Variants in FBXW7 observed in about 807,000 individuals in gnomAD.
FBXW7 encodes F-box and WD repeat domain containing 7, also known as F-box/WD repeat-containing protein 7.
In FBXW7, 11 loss-of-function variants were observed where a neutral mutation model predicts 86.3. The ratio of observed to expected loss-of-function variants is 0.13; its 90% CI spans 0.08 to 0.21. The LOEUF (loss-of-function observed/expected upper bound fraction) is 0.21, where lower values mean the gene tolerates loss of function less well. Among genes scored for constraint, FBXW7 ranks in the 10% least tolerant of loss-of-function variants. The pLI is 1.00. For missense variants in FBXW7, 488 were observed against 847.4 expected (o/e 0.58, Z 5.27); for synonymous variants, 313 against 297.9 (o/e 1.05, Z -0.52).
intron 2 of FBXW7, among the ~76,000 whole-genome samples, chr4:152,448,821 G>A (rs956737151): frequency 6.6e-6 from 1 of 152,172 alleles, no homozygotes. Flanking sequence ...TAGAAAGAAG[G>A]TAAGGTGCTT....
At chr4:152,532,566 A>G (rs1473569399) in intron 2 of FBXW7, among the ~76,000 whole-genome samples, 2 of 152,196 alleles carry the variant, frequency 1.3e-5, no homozygotes, top group Non-Finnish European at 2.9e-5. Context: ...TTCAATTCCA[A>G]AAGTCTTAAA....
At chr4:152,479,434 G>C (rs1450911519) in intron 2 of FBXW7, among the ~76,000 whole-genome samples, 1 of 152,090 alleles carries the variant, frequency 6.6e-6, no homozygotes, top group African/African-American at 2.4e-5. Flanking sequence ...ACATTTGCCT[G>C]TTAAATCTCT....
At chr4:152,515,331 T>A (rs1271608537) in intron 2 of FBXW7, among the ~76,000 whole-genome samples, 1 of 152,116 alleles carries the variant, frequency 6.6e-6, no homozygotes, top group Non-Finnish European at 1.5e-5. Flanking sequence ...GAAGCGAGGG[T>A]GCAGGGAAGG....
intron 2 of FBXW7, among the ~76,000 whole-genome samples, chr4:152,453,965 A>C (rs1038358400): frequency 2.0e-5 from 3 of 152,152 alleles, no homozygotes; most frequent in African/African-American, 7.2e-5. Flanking sequence ...GGTATTTTAA[A>C]GTAAATTCCA....
intron 2 of FBXW7, among the ~76,000 whole-genome samples, chr4:152,492,426 T>A (rs1209173946): frequency 6.6e-6 from 1 of 152,124 alleles, no homozygotes; most frequent in East Asian, 1.9e-4. Context: ...GATCCAAAGG[T>A]GTATGCTTAA....
chr4:152,429,125 G>A (rs1739646917), intron 2 of FBXW7, among the ~76,000 whole-genome samples: 1 of 152,170 alleles, frequency 6.6e-6, no homozygotes, highest in African/African-American at 2.4e-5. Context: ...GGGAGGCGGA[G>A]GTTGTGTTGA....
At chr4:152,435,065 TGGGGAGGGGAGGGGAGGGGA>T (rs1208603429) in intron 2 of FBXW7, among the ~76,000 whole-genome samples, 7 of 11,970 alleles carry the variant, frequency 5.8e-4, no homozygotes, top group Non-Finnish European at 1.0e-3. Context: ...ACGAGAGGCC[TGGGGAGGGGAGGGGAGGGGA>T]GGGGAGGGGA....
chr4:152,325,712 A>C (rs774709690), intron 12 of FBXW7: 5 of 305,200 alleles, frequency 1.6e-5, no homozygotes, highest in African/African-American at 8.5e-5. Context: ...TTACTCTCCT[A>C]TGAGACTATT....
intron 6 of FBXW7, 56 bp from the exon 7 acceptor site, chr4:152,337,992 C>T (rs1730329967): frequency 5.9e-6 from 9 of 1,523,198 alleles, no homozygotes; most frequent in Non-Finnish European, 6.2e-6. Flanking sequence ...AAATTACAGG[C>T]TTATAAAGGA....
intron 2 of FBXW7, among the ~76,000 whole-genome samples, chr4:152,415,906 A>T (rs1738385937): frequency 6.6e-6 from 1 of 151,902 alleles, no homozygotes; most frequent in Non-Finnish European, 1.5e-5. Flanking sequence ...ACTTTCCCTA[A>T]CCATCCAACT....
At chr4:152,480,085 G>T (rs891940835) in intron 2 of FBXW7, among the ~76,000 whole-genome samples, 19 of 151,912 alleles carry the variant, frequency 1.3e-4, no homozygotes, top group South Asian at 8.4e-4. Flanking sequence ...TCATTTTATT[G>T]GACTTCAAAC....
At chr4:152,440,489 T>A (rs143693639) in intron 2 of FBXW7, among the ~76,000 whole-genome samples, 1 of 152,322 alleles carries the variant, frequency 6.6e-6, no homozygotes, top group East Asian at 1.9e-4. Flanking sequence ...CTTAGGAATG[T>A]CAAACTCTAA....
intron 2 of FBXW7, among the ~76,000 whole-genome samples, chr4:152,516,360 T>C (rs1168735122): frequency 3.3e-5 from 5 of 152,152 alleles, no homozygotes; most frequent in Non-Finnish European, 7.4e-5. Context: ...ACAAACACTA[T>C]TGTGAACTGT....
chr4:152,448,571 T>A (rs1741616793), intron 2 of FBXW7, among the ~76,000 whole-genome samples: 1 of 152,112 alleles, frequency 6.6e-6, no homozygotes, highest in African/African-American at 2.4e-5. Context: ...GAAGAAATAA[T>A]GCTGCAGCCA....
chr4:152,457,794 C>T (rs1482861313), intron 2 of FBXW7, among the ~76,000 whole-genome samples: 2 of 151,638 alleles, frequency 1.3e-5, no homozygotes, highest in Non-Finnish European at 2.9e-5. Context: ...AGTAAAGAAT[C>T]TCAAAGACAG....
chr4:152,497,020 A>T (rs1396889981), intron 2 of FBXW7, among the ~76,000 whole-genome samples: 1 of 152,158 alleles, frequency 6.6e-6, no homozygotes, highest in Non-Finnish European at 1.5e-5. Context: ...ACTTTTAAAC[A>T]ATGTTAAAAA....
chr4:152,473,548 T>C (rs76527265), intron 2 of FBXW7, among the ~76,000 whole-genome samples: 2,085 of 152,258 alleles, frequency 0.014, 26 homozygotes, highest in Middle Eastern at 0.037. Context: ...GCAGTGGCAT[T>C]ACCATAGCTC....
At chr4:152,388,876 T>C (rs1045677459) in intron 4 of FBXW7, among the ~76,000 whole-genome samples, 1 of 152,134 alleles carries the variant, frequency 6.6e-6, no homozygotes, top group African/African-American at 2.4e-5. Flanking sequence ...GGAGAAAATA[T>C]TTGCAAACTA....
At chr4:152,510,559 A>G (rs1285815449) in intron 2 of FBXW7, among the ~76,000 whole-genome samples, 2 of 152,218 alleles carry the variant, frequency 1.3e-5, no homozygotes, top group Non-Finnish European at 2.9e-5. Flanking sequence ...ATGAAACAGT[A>G]CCACAGATCT....
Sources: gnomAD v4.1 joint callset for allele counts (sites outside exome capture counted in the v4.1 genomes callset) on GRCh38, gnomAD v4.1.1 for gene constraint, MANE v1.5 for transcripts, NCBI Gene and HGNC (gene_info 2026-07-23, HGNC 2026-07-21) for gene names.